The following LNX1 variants were observed in gnomAD, a reference collection of about 807,000 sequenced individuals.
LNX1 encodes the protein ligand of numb-protein X 1.
A neutral mutation model predicts 68.4 loss-of-function variants in LNX1; 54 were observed. The observed-to-expected ratio is 0.79, with a 90% CI of 0.63 to 0.99. The LOEUF is 0.99. Ranked by LOEUF, LNX1 falls within the 50% of genes least tolerant of loss-of-function variation. LNX1 has a pLI of 0.00. For missense variants in LNX1, 906 were observed against 926.4 expected, an observed-to-expected ratio of 0.98 and a Z score of 0.29; for synonymous variants, 336 against 350.0, an observed-to-expected ratio of 0.96 and a Z score of 0.45.
chr4:53,608,116 T>C (rs1186990005), intron 2 of LNX1, among the ~76,000 whole-genome samples: 1 of 152,060 alleles, frequency 6.6e-6, no homozygotes, highest in African/African-American at 2.4e-5. Context: ...AATTGACACA[T>C]GGGACCTAGT....
rs142168503 is a variant in LNX1, at chr4:53,613,555, G to A, written c.-215+2962C>T. On this transcript the variant is annotated intron_variant, in intron 2 of 3. Transcript: ENST00000504299. Reference sequence around the variant, plus strand: ...GCCCCAGTGTGCATTGTTCCAATGCGGTATTTGGTTTTCTGTTCCTGTGTT... The same window carrying A: ...GCCCCAGTGTGCATTGTTCCAATGCAGTATTTGGTTTTCTGTTCCTGTGTT... 3.7e-3 allele frequency among the ~76,000 whole-genome samples: 564 copies of A among 152,130 alleles called. 7 individuals carry two copies. The highest frequency in any genetic ancestry group is 0.012 in the African/African-American group (488 of 41,512).
intron 2 of LNX1, among the ~76,000 whole-genome samples, chr4:53,563,330 G>A (rs2109744336): frequency 6.6e-6 from 1 of 152,314 alleles, no homozygotes; most frequent in Admixed American, 6.5e-5. Context: ...TCCCATACAA[G>A]CAGCCACCAG....
chr4:53,514,992 T>C (rs1579448829), intron 2 of LNX1, among the ~76,000 whole-genome samples: 1 of 152,248 alleles, frequency 6.6e-6, no homozygotes, highest in East Asian at 1.9e-4. Context: ...ACAACATATT[T>C]AATGAATCTA....
chr4:53,548,474 G>GATAT (rs1438569825), intron 2 of LNX1, among the ~76,000 whole-genome samples: 1 of 152,176 alleles, frequency 6.6e-6, no homozygotes, highest in Non-Finnish European at 1.5e-5. Context: ...TTTATTGATT[G>GATAT]ATATAGGTCT....
chr4:53,645,838 G>A (rs894288673), intron 1 of LNX1, among the ~76,000 whole-genome samples: 4 of 152,158 alleles, frequency 2.6e-5, no homozygotes, highest in Non-Finnish European at 5.9e-5. Flanking sequence ...ATCTGAAACC[G>A]TATGAAATAC....
rs188611636 is a variant in LNX1, at chr4:53,508,008, A to G, written c.600T>C (p.Ser200=). 1.9e-6 allele frequency: 3 copies of G among 1,614,084 alleles called. No individual in the cohort carries two copies. In the African/African-American group the frequency reaches 4.0e-5, roughly 22 times the overall value. Residue 200 remains serine (S), a synonymous_variant, in exon 3 of 11, where the codon TCT becomes TCC. Transcript: ENST00000263925. ...DGQPAISPVD[S]GRSNRTRARP... is the part of the protein sequence containing the mutation. ...CACCCCTAGTTCGGTTGCTCCGGCC[A>G]GAGTCCACTGGGCTGATTGCTGGCT...
intron 1 of LNX1, among the ~76,000 whole-genome samples, chr4:53,641,706 C>A (rs1220387150): frequency 2.0e-5 from 3 of 152,202 alleles, no homozygotes; most frequent in African/African-American, 4.8e-5. Context: ...GGTCCCCAGG[C>A]AAGTATTGAT....
intron 1 of LNX1, among the ~76,000 whole-genome samples, chr4:53,644,193 G>A (rs149974830): frequency 4.7e-3 from 719 of 152,212 alleles, no homozygotes; most frequent in Non-Finnish European, 8.7e-3. Flanking sequence ...TTGAGGCCAG[G>A]AGTTTGAGAC....
At chr4:53,568,882 A>G (rs914446500) in intron 2 of LNX1, among the ~76,000 whole-genome samples, 2 of 152,252 alleles carry the variant, frequency 1.3e-5, no homozygotes. Context: ...ACAAACAGAG[A>G]GCCAAATCAT....
intron 2 of LNX1, among the ~76,000 whole-genome samples, chr4:53,551,365 G>A (rs928653663): frequency 6.6e-6 from 1 of 152,114 alleles, no homozygotes; most frequent in Non-Finnish European, 1.5e-5. Flanking sequence ...TTGAAGCCAG[G>A]GCCAGGCAGT....
In LNX1 at chr4:53,574,056, G is replaced by C; in HGVS notation, c.-54C>G. ...ACTCAGTCACACAATATTTCCTCAG[G>C]AGCAAGTCAAGATCTAGGAGACATC... On this transcript the variant is annotated 5_prime_UTR_variant, in exon 2 of 11. Transcript: ENST00000263925. 6.4e-7 allele frequency: 1 copy of C among 1,553,170 alleles called. No individual in the cohort carries two copies. The highest frequency in any genetic ancestry group is 8.7e-7 in the Non-Finnish European group (1 of 1,150,294).
chr4:53,543,798 A>G (rs1728913211), intron 2 of LNX1, among the ~76,000 whole-genome samples: 1 of 152,224 alleles, frequency 6.6e-6, no homozygotes, highest in African/African-American at 2.4e-5. Flanking sequence ...GCCAAGAAAG[A>G]AGAGAGCAGC....
At chr4:53,496,831 AT>A (rs1177544055) in intron 5 of LNX1, among the ~76,000 whole-genome samples, 1 of 152,292 alleles carries the variant, frequency 6.6e-6, no homozygotes, top group African/African-American at 2.4e-5. Context: ...AAAATCTCCA[AT>A]TGAATTTTTC....
At chr4:53,507,962 C>T (rs753806375) in intron 3 of LNX1, 24 bp downstream of exon 3, 51 of 1,601,830 alleles carry the variant, frequency 3.2e-5, no homozygotes, top group Middle Eastern at 1.7e-4. Flanking sequence ...AGCCCATTCC[C>T]GGACAACCAC....
intron 2 of LNX1, among the ~76,000 whole-genome samples, chr4:53,616,030 C>T (rs1346770655): frequency 6.6e-6 from 1 of 151,936 alleles, no homozygotes; most frequent in Admixed American, 6.6e-5. Context: ...ATTCATTTGC[C>T]CTCCCTGCTC....
At chr4:53,571,888 T>C (rs926561282) in intron 2 of LNX1, among the ~76,000 whole-genome samples, 3 of 152,094 alleles carry the variant, frequency 2.0e-5, no homozygotes, top group African/African-American at 7.2e-5. Context: ...CTCAAGCTCC[T>C]GGGCTCAAGT....
chr4:53,496,471 A>G, intron 5 of LNX1, 77 bp from the exon 6 acceptor site: 1 of 1,493,878 alleles, frequency 6.7e-7, no homozygotes, highest in South Asian at 1.4e-5. Context: ...CCCACAGAAA[A>G]GCCAGGATCC....
intron 6 of LNX1, 42 bp from the exon 7 acceptor site, chr4:53,481,896 T>C (rs753426499): frequency 6.6e-7 from 1 of 1,514,312 alleles, no homozygotes; most frequent in Non-Finnish European, 8.9e-7. Flanking sequence ...TCAGTTTCCA[T>C]CCACTGCATT....
chr4:53,469,453 AT>A (rs1356041361), intron 9 of LNX1, among the ~76,000 whole-genome samples: 1 of 152,218 alleles, frequency 6.6e-6, no homozygotes, highest in Non-Finnish European at 1.5e-5. Flanking sequence ...GAGCAAACAC[AT>A]TCAAAAGCTA....
Sources: gnomAD v4.1 joint callset for allele counts (sites outside exome capture counted in the v4.1 genomes callset) on GRCh38, gnomAD v4.1.1 for gene constraint, MANE v1.5 for transcripts, NCBI Gene and HGNC (gene_info 2026-07-23, HGNC 2026-07-21) for gene names.